ELP2: variants seen among roughly 807,000 people sequenced by gnomAD.
ELP2 encodes elongator complex protein 2.
ELP2 carries 90 observed loss-of-function variants against 119.2 expected under a neutral mutation model. That is an observed-to-expected ratio of 0.75 (90% confidence interval 0.64 to 0.90). The LOEUF (loss-of-function observed/expected upper bound fraction) is 0.90. Ranked by LOEUF, ELP2 falls within the 40% of genes least tolerant of loss-of-function variation. The pLI, the probability that ELP2 is intolerant of heterozygous loss-of-function variation, is 0.00. For synonymous variants in ELP2, 339 were observed against 331.0 expected (o/e 1.02, Z -0.26); for missense variants, 921 against 967.8 (o/e 0.95, Z 0.64).
chr18:36,145,309 A>G, intron 9 of ELP2: 1 of 397,690 alleles, frequency 2.5e-6, no homozygotes, highest in Non-Finnish European at 4.7e-6. Flanking sequence ...CCACTTGATT[A>G]TTATGGGATT....
chr18:36,168,372 T>C (rs2090967881), intron 19 of ELP2, among the ~76,000 whole-genome samples: 1 of 152,252 alleles, frequency 6.6e-6, no homozygotes, highest in Admixed American at 6.5e-5. Context: ...TAATCTGTTT[T>C]CATGCTGCTA....
rs2089954954 is a variant in ELP2, at chr18:36,139,679, A to T, written c.523+807A>T. The T allele has an allele frequency of 4.3e-6, 6 of 1,400,934 alleles. No homozygotes were observed. The Admixed American group carries it at 1.5e-4, about 35-fold the overall frequency. 86.8% of individuals were successfully genotyped at this position (1,400,934 alleles called of 1,614,324 possible). A position where few individuals can be genotyped will look rare whatever the true frequency, so the allele number is the denominator to read the frequency against. On this transcript the variant is annotated intron_variant, in intron 5 of 21. Transcript: ENST00000358232. ...TTCTGTAGTTGATCTAAAGTAAGAAAATCTTTGAAAAACACATTGGTGGCA... is the reference window on the plus strand; with the variant it reads ...TTCTGTAGTTGATCTAAAGTAAGAATATCTTTGAAAAACACATTGGTGGCA...
rs149620905 is a variant in ELP2, at chr18:36,160,334, G to A, written c.1688+319G>A. 6.9e-3 allele frequency among the ~76,000 whole-genome samples: 1,048 copies of A among 152,094 alleles called. 4 individuals carry two copies. Among genetic ancestry groups the A allele is most frequent in the Middle Eastern group, 0.024 (7 of 294 alleles). On this transcript the variant is annotated intron_variant, in intron 16 of 21. Coordinates refer to ENST00000358232, the MANE Select transcript of ELP2 (RefSeq NM_018255.4). ...TCACACCTGTAATCATAGCACTTTG[G>A]GAGGCCGTAGCAGGAGGATCACTTG...
chr18:36,149,675 A>G (rs563922427), intron 11 of ELP2, among the ~76,000 whole-genome samples: 4 of 152,104 alleles, frequency 2.6e-5, no homozygotes, highest in South Asian at 4.2e-4. Flanking sequence ...TTTGGTAAGA[A>G]CCGCATAGTC....
intron 2 of ELP2, among the ~76,000 whole-genome samples, chr18:36,134,683 C>T (rs566373971): frequency 1.6e-4 from 24 of 152,078 alleles, no homozygotes; most frequent in Non-Finnish European, 3.4e-4. Context: ...AATTCTAAGA[C>T]CAAAAGTTAT....
chr18:36,148,428 A>G (rs2090283901), intron 11 of ELP2, among the ~76,000 whole-genome samples: 2 of 152,180 alleles, frequency 1.3e-5, no homozygotes, highest in African/African-American at 4.8e-5. Flanking sequence ...CCTGACCCTG[A>G]AGCCTAATAT....
intron 12 of ELP2, among the ~76,000 whole-genome samples, chr18:36,155,269 C>CA (rs913148439): frequency 2.8e-5 from 4 of 143,532 alleles, no homozygotes; most frequent in African/African-American, 1.1e-4. Context: ...GCCCCTCCCC[C>CA]CCCCCCGCCT....
At position 36,170,174 on chromosome 18, in the gene ELP2, C is replaced by T. The variant is rs2091036148; in HGVS notation, c.2188C>T (p.Pro730Ser). 3 of 1,614,142 alleles carry T rather than the reference C, an allele frequency of 1.9e-6. No homozygotes were observed. The highest frequency in any genetic ancestry group is 2.5e-6 in the Non-Finnish European group (3 of 1,180,016). ...GGAVTAVSVCPVLHPSQRYVV... is the reference protein window; with the variant it reads ...GGAVTAVSVCSVLHPSQRYVV... ...GGCTGTGACAGCTGTCAGCGTCTGC[C>T]CAGTGCTCCACCCTTCTCAACGGTC... Residue 730 changes from proline (P) to serine (S), a missense_variant, in exon 20 of 22, where the codon CCA becomes TCA. Pro to Ser is a moderately conservative substitution (Grantham distance 74, BLOSUM62 -1). Transcript: ENST00000358232.
In ELP2 at chr18:36,142,330, T is replaced by C. The variant is rs1199784149; in HGVS notation, c.638T>C (p.Val213Ala). 1 of 1,613,740 alleles carries C rather than the reference T, an allele frequency of 6.2e-7. No homozygotes were observed. Among genetic ancestry groups the C allele is most frequent in the Non-Finnish European group, 8.5e-7 (1 of 1,179,892 alleles). ...GGACATGAGGATTGGATTAGAGGAG[T>C]GGAATGGGCAGCCTTTGGTCAGTAT... is the stretch of plus-strand genomic sequence containing the variant. Reference protein sequence around the residue: ...LCGHEDWIRGVEWAAFGRDLF... With the variant: ...LCGHEDWIRGAEWAAFGRDLF... The change falls in exon 7 of 22, where the codon GTG (valine) becomes GCG (alanine). Residue 213 changes from valine to alanine, a missense_variant. Transcript: ENST00000358232.
Position 36,175,598 on chromosome 18 carries a change from G to A in ELP2, c.*957G>A, listed in dbSNP as rs1344383171. Reference sequence around the variant, plus strand: ...GAATTTATGTGACAGCTGAAGTCACGAGATGAGGGATATATGTCCCCCAGG... The same window carrying A: ...GAATTTATGTGACAGCTGAAGTCACAAGATGAGGGATATATGTCCCCCAGG... On this transcript the variant is annotated 3_prime_UTR_variant, in exon 22 of 22. Coordinates refer to ENST00000358232, the MANE Select transcript of ELP2 (RefSeq NM_018255.4). 2.6e-5 allele frequency: 4 copies of A among 152,190 alleles called. No individual in the cohort carries two copies. The highest frequency in any genetic ancestry group is 9.7e-5 in the African/African-American group (4 of 41,440). The allele number at this position is 152,190 out of a possible 1,614,324, so 9.4% of individuals were successfully genotyped here.
chr18:36,146,222 G>A lies in ELP2; in HGVS notation c.994-28G>A, dbSNP rs373928658. ...GTGAGAAACATAGACTATTGATTAA[G>A]AATTGTTTTCTGTCTGTTATTGTAC... On this transcript the variant is annotated intron_variant, in intron 10 of 21. Transcript: ENST00000358232. 6 of 1,613,900 alleles carry A rather than the reference G, an allele frequency of 3.7e-6. No individual in the cohort carries two copies. The South Asian group carries it at 6.6e-5, about 18-fold the overall frequency.
In ELP2 at chr18:36,170,205, CTG is replaced by C. The variant is rs759441443; in HGVS notation, c.2210+14_2210+15del. 9.3e-6 allele frequency: 15 copies of C among 1,614,058 alleles called. No homozygotes were observed. Among genetic ancestry groups the C allele is most frequent in the Non-Finnish European group, 1.3e-5 (15 of 1,180,024 alleles). ...CTCCACCCTTCTCAACGGTCAGTCT[CTG>C]TGTGGGGCTTAGTTTTAAGAGGACC... On this transcript the variant is annotated intron_variant, in intron 20 of 21. Transcript: ENST00000358232.
intron 21 of ELP2, 52 bp downstream of exon 21, chr18:36,171,212 C>G: frequency 7.8e-7 from 1 of 1,288,974 alleles, no homozygotes; most frequent in Non-Finnish European, 1.1e-6. Context: ...ATTGTGGGGT[C>G]TTTCATGGCA....
At chr18:36,142,197 G>T in intron 6 of ELP2, 84 bp from the exon 7 acceptor site, 1 of 1,063,050 alleles carries the variant, frequency 9.4e-7, no homozygotes. Context: ...AACGCAGTAG[G>T]ACTGTCTGAG....
chr18:36,143,039 C>T, intron 8 of ELP2, 73 bp downstream of exon 8: 1 of 1,045,514 alleles, frequency 9.6e-7, no homozygotes, highest in South Asian at 1.4e-5. Context: ...TTTCACCACC[C>T]ACCTATGTGA....
intron 11 of ELP2, among the ~76,000 whole-genome samples, chr18:36,149,801 A>AAGCC (rs2090340343): frequency 6.6e-6 from 1 of 152,066 alleles, no homozygotes; most frequent in Non-Finnish European, 1.5e-5. Flanking sequence ...GAAGGTGTGT[A>AAGCC]AGCCAGCCCT....
At chr18:36,159,514 A>G (rs1335181576) in intron 14 of ELP2, among the ~76,000 whole-genome samples, 1 of 152,236 alleles carries the variant, frequency 6.6e-6, no homozygotes, top group Non-Finnish European at 1.5e-5. Context: ...AGATCAAAGA[A>G]AATGGAAAGA....
At chr18:36,133,398 C>T in intron 2 of ELP2, 82 bp downstream of exon 2, 1 of 945,636 alleles carries the variant, frequency 1.1e-6, no homozygotes, top group Non-Finnish European at 1.7e-6. Context: ...CATCACTTCT[C>T]TTAATTTAGC....
rs2089699605 is a variant in ELP2 at position 36,133,273 on chromosome 18, C to CGTG, written c.175_176insTGG (p.Thr58_Ala59insVal). 1 of 1,613,834 alleles carries CGTG rather than the reference C, an allele frequency of 6.2e-7. No homozygotes were observed. The highest frequency in any genetic ancestry group is 8.5e-7 in the Non-Finnish European group (1 of 1,179,800). Reference sequence around the variant, plus strand: ...TTGTTACCAACTTGAATGGTCACACCGCCCGAGTCAATTGCATACAGTGGA... The same window carrying CGTG: ...TTGTTACCAACTTGAATGGTCACACCGTGGCCCGAGTCAATTGCATACAGTGGA... On this transcript the variant is annotated inframe_insertion, in exon 2 of 22. Coordinates refer to ENST00000358232, the MANE Select transcript of ELP2 (RefSeq NM_018255.4).
Sources: allele counts gnomAD v4.1 joint callset (sites outside exome capture counted in the v4.1 genomes callset), GRCh38; gene constraint gnomAD v4.1.1; transcripts MANE v1.5; gene names NCBI Gene and HGNC (gene_info 2026-07-23, HGNC 2026-07-21).